The following PSIP1 variants were observed in gnomAD, a reference collection of about 807,000 sequenced individuals.
The protein encoded by PSIP1 is PC4 and SFRS1-interacting protein.
Under a neutral mutation model 74.7 loss-of-function variants are expected in PSIP1, and 19 were observed. That is an observed-to-expected ratio of 0.25 (90% CI 0.18 to 0.37). PSIP1 has a LOEUF of 0.37. Ranked by LOEUF, PSIP1 falls within the 10% of genes least tolerant of loss-of-function variation. PSIP1 has a pLI of 1.00. For missense variants in PSIP1, 601 were observed against 614.3 expected (o/e 0.98, Z 0.23); for synonymous variants, 222 against 195.3 (o/e 1.14, Z -1.14).
At chr9:15,486,209 A>C (rs1439215271) in intron 5 of PSIP1, 141 bp from the exon 6 acceptor site, 2 of 600,780 alleles carry the variant, frequency 3.3e-6, no homozygotes, top group South Asian at 5.6e-5. Context: ...TGAAATTAAA[A>C]ACATTGTGTC....
intron 10 of PSIP1, chr9:15,472,158 T>TGTCA (rs1348189049): frequency 1.0e-6 from 1 of 985,282 alleles, no homozygotes; most frequent in East Asian, 1.1e-4. Context: ...ATGTACACCC[T>TGTCA]GTCAGCCTTT....
chr9:15,466,809 G>A lies in PSIP1; in HGVS notation c.1471C>T (p.Gln491Ter), dbSNP rs2035655789. The change falls in exon 15 of 16, where the codon CAA becomes TAA. Residue 491 changes from glutamine to a stop codon, truncating the protein, a stop_gained. Transcript: ENST00000380733. LOFTEE classifies it high-confidence loss of function. ...GSDAQDGNQP[Q>*]HNGESNEDSK... Reference sequence around the variant, plus strand: ...TCTTCATTGCTCTCCCCGTTATGTTGTGGCTGATTACCATCTTGAGCATCA... The same window carrying A: ...TCTTCATTGCTCTCCCCGTTATGTTATGGCTGATTACCATCTTGAGCATCA... 1 of 1,613,320 alleles carries A rather than the reference G, an allele frequency of 6.2e-7. No homozygotes were observed. The highest frequency in any genetic ancestry group is 8.5e-7 in the Non-Finnish European group (1 of 1,179,766).
chr9:15,508,801 C>T (rs373110536), intron 2 of PSIP1, among the ~76,000 whole-genome samples: 1 of 152,066 alleles, frequency 6.6e-6, no homozygotes, highest in African/African-American at 2.4e-5. Flanking sequence ...TTGTTGCCCT[C>T]GGTCTCACAA....
At chr9:15,484,300 A>AT (rs2036464326) in intron 6 of PSIP1, among the ~76,000 whole-genome samples, 1 of 150,850 alleles carries the variant, frequency 6.6e-6, no homozygotes, top group Non-Finnish European at 1.5e-5. Context: ...TATCAAAAAA[A>AT]AAAATATATA....
rs190602910 is a variant in PSIP1 at position 15,503,597 on chromosome 9, G to C, written c.149+2964C>G. ...GGATCACTTAGGCCCAGGAGTTCAAGGATGCAGTCAACTATGATCGCCGCT... is the reference window on the plus strand; with the variant it reads ...GGATCACTTAGGCCCAGGAGTTCAACGATGCAGTCAACTATGATCGCCGCT... On this transcript the variant is annotated intron_variant, in intron 3 of 15. Transcript: ENST00000380733. Among the ~76,000 whole-genome samples, 188 of 151,752 alleles carry C rather than the reference G, an allele frequency of 1.2e-3. 1 individual carries two copies. The highest frequency in any genetic ancestry group is 4.3e-3 in the African/African-American group (176 of 41,380).
intron 5 of PSIP1, among the ~76,000 whole-genome samples, chr9:15,486,305 T>C (rs527738833): frequency 1.3e-5 from 2 of 152,342 alleles, no homozygotes; most frequent in South Asian, 4.1e-4. Flanking sequence ...AGTCTGTCTA[T>C]TTAAATTTAT....
Position 15,468,817 on chromosome 9 carries a change from T to G in PSIP1, c.1233A>C (p.Val411=). 1 of 1,613,820 alleles carries G rather than the reference T, an allele frequency of 6.2e-7. No homozygotes were observed. The highest frequency in any genetic ancestry group is 1.1e-5 in the South Asian group (1 of 91,076). The part of the protein sequence containing the change: ...KKIRRFKVSQ[V]IMEKSTMLYN... ...ACAACATTGTAGACTTTTCCATGAT[T>G]ACCTGACTAACTTTGAATCGCCGTA... The change falls in exon 14 of 16, where the codon GTA becomes GTC. Residue 411 remains valine, a synonymous_variant. Coordinates refer to ENST00000380733, the MANE Select transcript of PSIP1 (RefSeq NM_033222.5).
intron 4 of PSIP1, among the ~76,000 whole-genome samples, chr9:15,488,655 G>A (rs1452394506): frequency 6.6e-6 from 1 of 152,170 alleles, no homozygotes; most frequent in Non-Finnish European, 1.5e-5. Flanking sequence ...GGGAAGCCGA[G>A]GTGGGCAGAT....
chr9:15,490,827 C>T (rs1040417874), intron 3 of PSIP1, among the ~76,000 whole-genome samples: 1 of 151,726 alleles, frequency 6.6e-6, no homozygotes, highest in African/African-American at 2.4e-5. Context: ...TATTATACAA[C>T]TCACAAAACT....
intron 3 of PSIP1, among the ~76,000 whole-genome samples, chr9:15,504,223 C>A (rs1563899956): frequency 6.6e-6 from 1 of 152,136 alleles, no homozygotes; most frequent in Admixed American, 6.5e-5. Flanking sequence ...CATTTGAATT[C>A]CTTGAATATA....
intron 4 of PSIP1, among the ~76,000 whole-genome samples, chr9:15,489,608 C>CAAAAAAAAAA (rs1278277874): frequency 1.1e-4 from 5 of 45,536 alleles, no homozygotes; most frequent in African/African-American, 2.5e-4. Context: ...AACTACACCT[C>CAAAAAAAAAA]AAAAAAAAAA....
intron 3 of PSIP1, among the ~76,000 whole-genome samples, chr9:15,491,431 A>G (rs550015428): frequency 1.3e-5 from 2 of 152,354 alleles, no homozygotes; most frequent in African/African-American, 2.4e-5. Flanking sequence ...TACTCAGTGC[A>G]TGTTTGTGAA....
In PSIP1 at chr9:15,470,932, GT is replaced by G. The variant is rs1350557046; in HGVS notation, c.978-940del. 7.5e-6 allele frequency: 6 copies of G among 798,250 alleles called. No homozygotes were observed. In the East Asian group the frequency reaches 1.4e-4, roughly 19 times the overall value. The allele number at this position is 798,250 out of a possible 1,614,324, so 49.4% of individuals were successfully genotyped here. Reference sequence around the variant, plus strand: ...AACACAAAGCTTCATTTTAAGCTTGGTTAAAAAAAAAAAAAAAAAAAAAAAA... The same window carrying G: ...AACACAAAGCTTCATTTTAAGCTTGGTAAAAAAAAAAAAAAAAAAAAAAAA... On this transcript the variant is annotated intron_variant, in intron 10 of 15. Transcript: ENST00000380733.
intron 7 of PSIP1, among the ~76,000 whole-genome samples, chr9:15,478,756 A>G (rs1216249737): frequency 6.6e-6 from 1 of 151,992 alleles, no homozygotes. Context: ...AGAGGTAAAC[A>G]GAGTAATCCT....
intron 2 of PSIP1, among the ~76,000 whole-genome samples, chr9:15,508,684 TTA>T (rs1283760389): frequency 6.6e-6 from 1 of 152,214 alleles, no homozygotes; most frequent in African/African-American, 2.4e-5. Context: ...CAGAGGGGCC[TTA>T]AACCTGATCA....
At chr9:15,500,694 G>A (rs910204174) in intron 3 of PSIP1, among the ~76,000 whole-genome samples, 1 of 151,988 alleles carries the variant, frequency 6.6e-6, no homozygotes, top group Non-Finnish European at 1.5e-5. Context: ...AAATTAGACG[G>A]GTTTTAAAAC....
chr9:15,487,860 A>C (rs369957011), intron 4 of PSIP1, among the ~76,000 whole-genome samples: 19 of 152,348 alleles, frequency 1.2e-4, no homozygotes, highest in African/African-American at 4.3e-4. Context: ...AACAATTATG[A>C]TATGGTTCGA....
chr9:15,482,453 G>C (rs2036376816), intron 6 of PSIP1, among the ~76,000 whole-genome samples: 1 of 152,104 alleles, frequency 6.6e-6, no homozygotes, highest in South Asian at 2.1e-4. Context: ...GCTTTGATGT[G>C]GATGGGGCAG....
At position 15,465,396 on chromosome 9, in the gene PSIP1, T is replaced by G; in HGVS notation, c.*124A>C. 1 of 802,714 alleles carries G rather than the reference T, an allele frequency of 1.2e-6. No individual in the cohort carries two copies. The highest frequency in any genetic ancestry group is 2.0e-6 in the Non-Finnish European group (1 of 497,800). The allele number at this position is 802,714 out of a possible 1,614,324, so 49.7% of individuals were successfully genotyped here. A position where few individuals can be genotyped will look rare whatever the true frequency, so the allele number is the denominator to read the frequency against. On this transcript the variant is annotated 3_prime_UTR_variant, in exon 16 of 16. Coordinates refer to ENST00000380733, the MANE Select transcript of PSIP1 (RefSeq NM_033222.5). ...TTTACTTTAAAACAAAGGGATTTTC[T>G]CCCTCAAAACAAGTTTTCAACATCA... is the stretch of plus-strand genomic sequence containing the variant.
Sources: allele counts gnomAD v4.1 joint callset (sites outside exome capture counted in the v4.1 genomes callset), GRCh38; gene constraint gnomAD v4.1.1; transcripts MANE v1.5; gene names NCBI Gene and HGNC (gene_info 2026-07-23, HGNC 2026-07-21).